PDE1C: variants seen among roughly 807,000 people sequenced by gnomAD.
The protein encoded by PDE1C is dual specificity calcium/calmodulin-dependent 3',5'-cyclic nucleotide phosphodiesterase 1C.
In PDE1C, 62 loss-of-function variants were observed where a neutral mutation model predicts 93.1. That is an observed-to-expected ratio of 0.67 (90% CI 0.54 to 0.82). PDE1C has a LOEUF of 0.82. Ranked by LOEUF, PDE1C falls within the 40% of genes least tolerant of loss-of-function variation. The pLI is 0.00. For synonymous variants in PDE1C, 325 were observed against 310.1 expected, an observed-to-expected ratio of 1.05 and a Z score of -0.50; for missense variants, 742 against 884.6, an observed-to-expected ratio of 0.84 and a Z score of 2.04.
chr7:31,697,150 G>T, the PDE1C span: 6 of 1,610,904 alleles, frequency 3.7e-6, no homozygotes, highest in African/African-American at 2.7e-5. Flanking sequence ...TTTGCAGGGG[G>T]TGATGGGGAC....
chr7:31,860,865 C>T (rs1361942957), intron 7 of PDE1C, among the ~76,000 whole-genome samples: 1 of 151,972 alleles, frequency 6.6e-6, no homozygotes, highest in Non-Finnish European at 1.5e-5. Flanking sequence ...ATTCATTTGT[C>T]AGATTTTTTG....
chr7:32,026,196 T>A (rs1789411903), intron 2 of PDE1C, among the ~76,000 whole-genome samples: 1 of 152,124 alleles, frequency 6.6e-6, no homozygotes. Flanking sequence ...TGGACTGAAC[T>A]GAATTTTTTC....
chr7:31,814,534 G>A (rs7787171), intron 15 of PDE1C, among the ~76,000 whole-genome samples: 28,727 of 151,510 alleles, frequency 0.19, 2,864 homozygotes, highest in Middle Eastern at 0.34. Context: ...GTTATAAATG[G>A]TTAATTATAA....
Position 31,751,237 on chromosome 7 carries a change from C to T in PDE1C, c.*2147G>A, listed in dbSNP as rs961271942. 6.6e-6 allele frequency: 1 copy of T among 152,100 alleles called. No individual in the cohort carries two copies. Among genetic ancestry groups the T allele is most frequent in the African/African-American group, 2.4e-5 (1 of 41,426 alleles). The allele number at this position is 152,100 out of a possible 1,614,324, so 9.4% of individuals were successfully genotyped here. Reference sequence around the variant, plus strand: ...ATATAATCTGCATTTCTATACAATCCATTATGCAAAAAACATGGTAGGCAT... The same window carrying T: ...ATATAATCTGCATTTCTATACAATCTATTATGCAAAAAACATGGTAGGCAT... On this transcript the variant is annotated 3_prime_UTR_variant, in exon 18 of 18. Coordinates refer to ENST00000396191, the MANE Select transcript of PDE1C (RefSeq NM_001191057.4).
chr7:32,129,277 G>A (rs1799783382), intron 3 of PDE1C, among the ~76,000 whole-genome samples: 2 of 151,712 alleles, frequency 1.3e-5, no homozygotes, highest in African/African-American at 4.8e-5. Flanking sequence ...TGGCACTCAT[G>A]CAAAGAGAAG....
chr7:32,121,875 T>C (rs929301859), intron 3 of PDE1C, among the ~76,000 whole-genome samples: 6 of 152,204 alleles, frequency 3.9e-5, no homozygotes, highest in Admixed American at 6.5e-5. Flanking sequence ...ATAATAATAC[T>C]AACCTTAAAT....
chr7:32,338,875 C>T (rs948961569), intron 1 of PDE1C, among the ~76,000 whole-genome samples: 14 of 152,074 alleles, frequency 9.2e-5, no homozygotes, highest in Admixed American at 6.5e-4. Context: ...TGGTGGCGGG[C>T]GCCTGTAGTC....
intron 2 of PDE1C, among the ~76,000 whole-genome samples, chr7:31,938,766 T>C (rs895376980): frequency 6.6e-6 from 1 of 152,174 alleles, no homozygotes; most frequent in African/African-American, 2.4e-5. Context: ...TTTTGTTGAA[T>C]GAATAACTGA....
chr7:32,142,203 G>C (rs1486025028), intron 3 of PDE1C, among the ~76,000 whole-genome samples: 1 of 152,106 alleles, frequency 6.6e-6, no homozygotes, highest in Non-Finnish European at 1.5e-5. Flanking sequence ...GGGGAAGGAG[G>C]AGGAAATAGA....
upstream of PDE1C, among the ~76,000 whole-genome samples, chr7:32,302,395 T>C (rs1812902349): frequency 6.6e-6 from 1 of 152,200 alleles, no homozygotes; most frequent in South Asian, 2.1e-4. Context: ...TAGGTTAAGA[T>C]TAATTTCTTC....
intron 2 of PDE1C, among the ~76,000 whole-genome samples, chr7:31,949,062 G>A (rs897191626): frequency 2.0e-5 from 3 of 152,122 alleles, no homozygotes; most frequent in African/African-American, 4.8e-5. Context: ...AATCTACAAT[G>A]AGCAAACAAA....
intron 1 of PDE1C, among the ~76,000 whole-genome samples, chr7:32,253,394 C>G (rs1180752733): frequency 1.3e-5 from 2 of 152,162 alleles, no homozygotes; most frequent in Non-Finnish European, 2.9e-5. Flanking sequence ...TTTACCGAAA[C>G]CCCACAATGC....
the PDE1C span, among the ~76,000 whole-genome samples, chr7:31,662,038 T>C: frequency 2.6e-5 from 4 of 152,196 alleles, no homozygotes; most frequent in African/African-American, 9.7e-5. Context: ...ACCAGCTCTA[T>C]GTGACCTATG....
At chr7:31,958,216 G>A (rs770908386) in intron 2 of PDE1C, among the ~76,000 whole-genome samples, 4 of 152,072 alleles carry the variant, frequency 2.6e-5, no homozygotes, top group East Asian at 1.9e-4. Context: ...AGCATGTGCC[G>A]TTTTCCAGGG....
chr7:31,808,209 G>A (rs770325734), intron 16 of PDE1C: 2 of 489,418 alleles, frequency 4.1e-6, no homozygotes, highest in Non-Finnish European at 4.0e-6. Flanking sequence ...TCAAAGAAGA[G>A]TTTAGCATCA....
intron 17 of PDE1C, among the ~76,000 whole-genome samples, chr7:31,754,242 C>T (rs1245384066): frequency 6.6e-6 from 1 of 152,218 alleles, no homozygotes; most frequent in Non-Finnish European, 1.5e-5. Flanking sequence ...ACACCAATTG[C>T]TGGCAAGGAT....
intron 2 of PDE1C, among the ~76,000 whole-genome samples, chr7:32,170,313 GTCTCCC>G (rs1428983461): frequency 6.6e-6 from 1 of 152,010 alleles, no homozygotes; most frequent in Non-Finnish European, 1.5e-5. Flanking sequence ...TCAAATACAA[GTCTCCC>G]CTATAAATTC....
chr7:32,334,307 G>A (rs1373053949), intron 1 of PDE1C, among the ~76,000 whole-genome samples: 1 of 151,702 alleles, frequency 6.6e-6, no homozygotes, highest in Non-Finnish European at 1.5e-5. Context: ...GTTTTTTTCT[G>A]AACTATATTT....
rs550610321 is a variant in PDE1C at position 32,405,168 on chromosome 7, T to A, written c.310+22654A>T. Among the ~76,000 whole-genome samples the A allele has an allele frequency of 3.3e-5, 5 of 152,250 alleles. No homozygotes were observed. In the South Asian group the frequency reaches 1.0e-3, roughly 32 times the overall value. ...CCTCAAACCCAAACAACAGCAGACCTGCAGGGATGAAGTCTTCAAAGAGAT... is the reference window on the plus strand; with the variant it reads ...CCTCAAACCCAAACAACAGCAGACCAGCAGGGATGAAGTCTTCAAAGAGAT... On this transcript the variant is annotated intron_variant, in intron 1 of 1. Coordinates refer to the PDE1C transcript ENST00000672256.
Sources: gnomAD v4.1 joint callset for allele counts (sites outside exome capture counted in the v4.1 genomes callset) on GRCh38, gnomAD v4.1.1 for gene constraint, MANE v1.5 for transcripts, NCBI Gene and HGNC (gene_info 2026-07-23, HGNC 2026-07-21) for gene names.